HERC1: variants seen among roughly 807,000 people sequenced by gnomAD.
The protein encoded by HERC1 is probable E3 ubiquitin-protein ligase HERC1.
Under a neutral mutation model 554.3 loss-of-function variants are expected in HERC1, and 160 were observed. That is an observed-to-expected ratio of 0.29 (90% CI 0.25 to 0.33). The LOEUF (loss-of-function observed/expected upper bound fraction) is 0.33. Ranked by LOEUF, HERC1 falls within the 10% of genes least tolerant of loss-of-function variation. The pLI is 1.00. For synonymous variants in HERC1, 2,175 were observed against 2,131.7 expected (o/e 1.02, Z -0.56); for missense variants, 4,919 against 5,918.5 (o/e 0.83, Z 5.54).
In HERC1 at chr15:63,638,395, T is replaced by C; in HGVS notation, c.12093+16A>G. ...AGTTCCCATGTTTCTTTTCTATTTT[T>C]TATCCTGTTAGTTACCTGTTGGGCC... On this transcript the variant is annotated intron_variant, in intron 63 of 77. Transcript: ENST00000443617. 1 of 1,605,038 alleles carries C rather than the reference T, an allele frequency of 6.2e-7. No homozygotes were observed. The highest frequency in any genetic ancestry group is 8.5e-7 in the Non-Finnish European group (1 of 1,176,972).
chr15:63,786,876 A>G (rs2076464654), intron 1 of HERC1, among the ~76,000 whole-genome samples: 1 of 151,282 alleles, frequency 6.6e-6, no homozygotes, highest in Non-Finnish European at 1.5e-5. Flanking sequence ...TCACTTTAAG[A>G]TGGTTAATTG....
chr15:63,789,780 C>G (rs980894425), intron 1 of HERC1, among the ~76,000 whole-genome samples: 3 of 141,176 alleles, frequency 2.1e-5, no homozygotes, highest in Non-Finnish European at 4.7e-5. Flanking sequence ...CCAGCCTGGG[C>G]GACCAAGCGA....
chr15:63,829,456 G>C (rs1158459911), intron 1 of HERC1, among the ~76,000 whole-genome samples: 2 of 117,012 alleles, frequency 1.7e-5, no homozygotes, highest in Non-Finnish European at 3.8e-5. Flanking sequence ...GTGTGTGTGT[G>C]TGTGCACATA....
intron 54 of HERC1, among the ~76,000 whole-genome samples, chr15:63,648,725 G>A (rs528938325): frequency 4.5e-4 from 68 of 152,316 alleles, no homozygotes; most frequent in African/African-American, 1.4e-3. Flanking sequence ...CAGTATCTGT[G>A]AGGGTAGAAT....
intron 74 of HERC1, among the ~76,000 whole-genome samples, chr15:63,621,894 A>AT (rs34592204): frequency 2.6e-5 from 4 of 151,686 alleles, no homozygotes; most frequent in Admixed American, 2.0e-4. Context: ...CATTCGTCTA[A>AT]TTTTTTTTCA....
intron 34 of HERC1, among the ~76,000 whole-genome samples, chr15:63,685,044 C>T (rs1334526764): frequency 6.6e-6 from 1 of 152,118 alleles, no homozygotes; most frequent in East Asian, 1.9e-4. Context: ...ACTATTTTGT[C>T]TTGAAAGCTG....
intron 36 of HERC1, among the ~76,000 whole-genome samples, chr15:63,679,050 A>G (rs1010570543): frequency 4.6e-5 from 7 of 152,246 alleles, no homozygotes; most frequent in African/African-American, 1.7e-4. Flanking sequence ...TGTGTTTCTC[A>G]GAGGTTCTAA....
In HERC1 at chr15:63,727,489, A is replaced by C. The variant is rs555517933; in HGVS notation, c.3346+158T>G. 6.6e-6 allele frequency among the ~76,000 whole-genome samples: 1 copy of C among 152,336 alleles called. No individual in the cohort carries two copies. Among genetic ancestry groups the C allele is most frequent in the South Asian group, 2.1e-4 (1 of 4,828 alleles). ...CCAGGATTCTTTCCAATAAAATAAG[A>C]GGACTTACTTAAATTTGAAAAGCTT... On this transcript the variant is annotated intron_variant, in intron 17 of 77. Coordinates refer to ENST00000443617, the MANE Select transcript of HERC1 (RefSeq NM_003922.4). This position sits in a 1 kb window ranked among gnomAD's most constrained non-coding sequence, Gnocchi z 4.3.
intron 10 of HERC1, 49 bp from the exon 11 acceptor site, chr15:63,747,907 T>C: frequency 1.3e-6 from 2 of 1,501,388 alleles, no homozygotes; most frequent in Non-Finnish European, 1.8e-6. Flanking sequence ...AATGAAATTT[T>C]TATGCACGAT....
chr15:63,773,822 G>T (rs2076029841), intron 2 of HERC1, among the ~76,000 whole-genome samples: 1 of 152,044 alleles, frequency 6.6e-6, no homozygotes, highest in Non-Finnish European at 1.5e-5. Context: ...TGGGATTACA[G>T]GCATGAGACA....
At position 63,677,785 on chromosome 15, in the gene HERC1, C is replaced by T; in HGVS notation, c.7070+60G>A. On this transcript the variant is annotated intron_variant, in intron 37 of 77. Coordinates refer to ENST00000443617, the MANE Select transcript of HERC1 (RefSeq NM_003922.4). The surrounding 1 kb of genome is among the most constrained non-coding windows in gnomAD (Gnocchi z 4.4). Reference sequence around the variant, plus strand: ...TACATAATTACTCACTGTCGACAGGCAATGGCCTATTTCACCATTAAATAT... The same window carrying T: ...TACATAATTACTCACTGTCGACAGGTAATGGCCTATTTCACCATTAAATAT... The T allele has an allele frequency of 6.4e-7, 1 of 1,553,164 alleles. No homozygotes were observed. The highest frequency in any genetic ancestry group is 8.7e-7 in the Non-Finnish European group (1 of 1,148,532).
chr15:63,829,559 GTGTATATATATATATATATA>G (rs1180201070), intron 1 of HERC1, among the ~76,000 whole-genome samples: 8 of 94,680 alleles, frequency 8.4e-5, no homozygotes, highest in South Asian at 7.0e-4. Context: ...GTGTGTGTGT[GTGTATATATATATATATATA>G]TATATATATA....
At chr15:63,649,345 C>T (rs141841722) in intron 54 of HERC1, among the ~76,000 whole-genome samples, 4,523 of 149,472 alleles carry the variant, frequency 0.03, 217 homozygotes, top group African/African-American at 0.1. Flanking sequence ...GAGCGAGACT[C>T]CTTCTCAAAA....
intron 27 of HERC1, among the ~76,000 whole-genome samples, chr15:63,695,652 T>G (rs1347594370): frequency 6.6e-6 from 1 of 152,172 alleles, no homozygotes; most frequent in Non-Finnish European, 1.5e-5. Context: ...CCTCCCAAAG[T>G]GCTGGGATTA....
rs573860345 is a variant in HERC1, at chr15:63,643,120, T to G, written c.11332-62A>C. On this transcript the variant is annotated intron_variant, in intron 58 of 77. Transcript: ENST00000443617. ...ACTGTAGGTATAATTTACATTTAAA[T>G]TTCTATTTCACATTGACAAAAACAT... 19 of 1,142,240 alleles carry G rather than the reference T, an allele frequency of 1.7e-5. No individual in the cohort carries two copies. In the African/African-American group the frequency reaches 2.6e-4, roughly 16 times the overall value. 70.8% of individuals were successfully genotyped at this position (1,142,240 alleles called of 1,614,324 possible).
In HERC1 at chr15:63,641,504, G is replaced by T; in HGVS notation, c.11573C>A (p.Pro3858His). 1 of 1,613,408 alleles carries T rather than the reference G, an allele frequency of 6.2e-7. No homozygotes were observed. The highest frequency in any genetic ancestry group is 2.2e-5 in the East Asian group (1 of 44,850). Residue 3858 changes from proline (P) to histidine (H), a missense_variant, in exon 60 of 78, where the codon CCC (proline) becomes CAC (histidine). Physicochemically the swap from Pro to His is moderately conservative, Grantham distance 77. Around this residue, in one of 11 missense-constraint regions of HERC1, gnomAD observed 1,963 missense variants for 2,228.6 expected, o/e 0.88. Transcript: ENST00000443617. Reference sequence around the variant, plus strand: ...GGCATACTGCTCCTGAAGCATCATGGGGAGCCGCTCCAAAAATGCTCTCAT... The same window carrying T: ...GGCATACTGCTCCTGAAGCATCATGTGGAGCCGCTCCAAAAATGCTCTCAT... The part of the protein sequence containing the change: ...PCMRAFLERL[P>H]MMLQEQYAYE...
intron 1 of HERC1, among the ~76,000 whole-genome samples, chr15:63,829,561 G>GTGTGTGTGTA (rs1220043639): frequency 1.3e-3 from 104 of 81,716 alleles, no homozygotes; most frequent in African/African-American, 3.3e-3. Context: ...GTGTGTGTGT[G>GTGTGTGTGTA]TATATATATA....
rs771032036 is a variant in HERC1, at chr15:63,734,695, G to T, written c.2646+29C>A. 2 of 1,506,612 alleles carry T rather than the reference G, an allele frequency of 1.3e-6. No homozygotes were observed. Among genetic ancestry groups the T allele is most frequent in the Admixed American group, 2.5e-5 (1 of 40,366 alleles). The allele number at this position is 1,506,612 out of a possible 1,614,324, so 93.3% of individuals were successfully genotyped here. A position where few individuals can be genotyped will look rare whatever the true frequency, so the allele number is the denominator to read the frequency against. On this transcript the variant is annotated intron_variant, in intron 13 of 77. Coordinates refer to ENST00000443617, the MANE Select transcript of HERC1 (RefSeq NM_003922.4). This position sits in a 1 kb window ranked among gnomAD's most constrained non-coding sequence, Gnocchi z 4.6. ...AGTCCAAATTTTTAGGATACTACTG[G>T]TTTACTTACACAGCAAGCAAAGGCC...
At chr15:63,759,371 T>C (rs778297650) in intron 3 of HERC1, among the ~76,000 whole-genome samples, 9 of 152,250 alleles carry the variant, frequency 5.9e-5, no homozygotes, top group Non-Finnish European at 1.0e-4. Flanking sequence ...TGGTAAAGTC[T>C]GTTGCCATTC....
Sources: allele counts gnomAD v4.1 joint callset (sites outside exome capture counted in the v4.1 genomes callset), GRCh38; gene constraint gnomAD v4.1.1; regional missense constraint gnomAD v4.1.1; non-coding constraint Gnocchi (gnomAD v3.1); transcripts MANE v1.5; gene names NCBI Gene and HGNC (gene_info 2026-07-23, HGNC 2026-07-21).